The following POU2F1 variants were observed in gnomAD, a reference collection of about 807,000 sequenced individuals.
POU2F1 encodes POU class 2 homeobox 1.
In POU2F1, 16 loss-of-function variants were observed where a neutral mutation model predicts 84.9. The observed-to-expected ratio is 0.19, with a 90% CI of 0.13 to 0.29. The LOEUF (loss-of-function observed/expected upper bound fraction) is 0.29, where lower values mean the gene tolerates loss of function less well. Ranked by LOEUF, POU2F1 falls within the 10% of genes least tolerant of loss-of-function variation. The pLI is 1.00. For synonymous variants in POU2F1, 368 were observed against 368.3 expected (o/e 1.00, Z 0.01); for missense variants, 738 against 942.6 (o/e 0.78, Z 2.84).
At chr1:167,229,833 C>T (rs1038116983) in intron 1 of POU2F1, among the ~76,000 whole-genome samples, 1 of 152,168 alleles carries the variant, frequency 6.6e-6, no homozygotes, top group African/African-American at 2.4e-5. Context: ...ACTCCTAATA[C>T]TCTTCTGAAA....
In POU2F1 at chr1:167,235,809, A is replaced by G. The variant is rs550907102; in HGVS notation, c.61+14851A>G. Among the ~76,000 whole-genome samples, 9 of 152,302 alleles carry G rather than the reference A, an allele frequency of 5.9e-5. 1 individual carries two copies. The East Asian group carries it at 1.7e-3, about 29-fold the overall frequency. On this transcript the variant is annotated intron_variant, in intron 1 of 15. Transcript: ENST00000367866. The stretch of plus-strand genomic sequence containing the variant: ...GGATGGAGCCAGAAGCCATAATCCT[A>G]AGTGAATTAATGCAGGAACAGAAAA...
At chr1:167,294,283 A>G (rs1317333366) in intron 1 of POU2F1, among the ~76,000 whole-genome samples, 1 of 151,788 alleles carries the variant, frequency 6.6e-6, no homozygotes. Context: ...CGGGAGGCGG[A>G]TCTTGCAGTG....
chr1:167,404,006 C>CT (rs1324403358), intron 13 of POU2F1, among the ~76,000 whole-genome samples: 1 of 151,950 alleles, frequency 6.6e-6, no homozygotes. Context: ...ATTTCAATCT[C>CT]TTTTTCCTTG....
intron 13 of POU2F1, among the ~76,000 whole-genome samples, chr1:167,403,900 C>T (rs1174261119): frequency 2.6e-5 from 4 of 152,024 alleles, no homozygotes; most frequent in African/African-American, 9.7e-5. Context: ...TTTATTTTGC[C>T]TTCACAGTAT....
At chr1:167,399,603 T>C (rs1403562460) in intron 12 of POU2F1, among the ~76,000 whole-genome samples, 1 of 152,196 alleles carries the variant, frequency 6.6e-6, no homozygotes, top group African/African-American at 2.4e-5. Context: ...TGCCCCTGCA[T>C]GGAGGGTGAA....
At position 167,419,897 on chromosome 1, in the gene POU2F1, G is replaced by T. The variant is rs1028160773; in HGVS notation, c.*4087G>T. 42 of 152,070 alleles carry T rather than the reference G, an allele frequency of 2.8e-4. No homozygotes were observed. The highest frequency in any genetic ancestry group is 1.0e-3 in the African/African-American group (42 of 41,398). 9.4% of individuals were successfully genotyped at this position (152,070 alleles called of 1,614,324 possible). Reference sequence around the variant, plus strand: ...TTAAAAAAGGGAAGATAAGATTAAAGATTCTTAGTGAGATCATCTTGCCAA... The same window carrying T: ...TTAAAAAAGGGAAGATAAGATTAAATATTCTTAGTGAGATCATCTTGCCAA... On this transcript the variant is annotated 3_prime_UTR_variant, in exon 16 of 16. Transcript: ENST00000367866.
Position 167,416,087 on chromosome 1 carries a change from T to TAAAAAACAAAAAA in POU2F1, c.*283_*284insCAAAAAAAAAAAA. ...ATTGGAGAACTTTCTAACCAAAAAT[T>TAAAAAACAAAAAA]AAAAAAAAAAAAAAAAAAAGAAACA... On this transcript the variant is annotated 3_prime_UTR_variant, in exon 16 of 16. Coordinates refer to ENST00000367866, the MANE Select transcript of POU2F1 (RefSeq NM_002697.4). 2.8e-6 allele frequency: 1 copy of TAAAAAACAAAAAA among 351,044 alleles called. No homozygotes were observed. The allele number at this position is 351,044 out of a possible 1,614,324, so 21.7% of individuals were successfully genotyped here.
chr1:167,382,131 G>A (rs898683486), intron 7 of POU2F1, among the ~76,000 whole-genome samples: 1 of 152,112 alleles, frequency 6.6e-6, no homozygotes, highest in Non-Finnish European at 1.5e-5. Flanking sequence ...TGAACAAGAT[G>A]CAGGCCCTGC....
chr1:167,338,352 T>A, intron 2 of POU2F1: 1 of 396,126 alleles, frequency 2.5e-6, no homozygotes, highest in Non-Finnish European at 5.0e-6. Flanking sequence ...TTTAGTCAAC[T>A]GTTTATGTTA....
intron 13 of POU2F1, among the ~76,000 whole-genome samples, chr1:167,405,363 T>A (rs1649494725): frequency 6.6e-6 from 1 of 151,878 alleles, no homozygotes; most frequent in South Asian, 2.1e-4. Context: ...GACATAGTAT[T>A]TATTTGAGCC....
At chr1:167,271,442 T>C (rs910618612) in intron 1 of POU2F1, among the ~76,000 whole-genome samples, 3 of 152,170 alleles carry the variant, frequency 2.0e-5, no homozygotes, top group African/African-American at 4.8e-5. Context: ...AATTCAATGA[T>C]GGTTGAAAGA....
intron 15 of POU2F1, among the ~76,000 whole-genome samples, chr1:167,413,787 T>C (rs1571472748): frequency 6.6e-6 from 1 of 152,230 alleles, no homozygotes; most frequent in Middle Eastern, 3.4e-3. Flanking sequence ...TGTCTAAAAA[T>C]GTTTACTGTT....
At chr1:167,233,340 G>T (rs1056418339) in intron 1 of POU2F1, among the ~76,000 whole-genome samples, 1 of 147,360 alleles carries the variant, frequency 6.8e-6, no homozygotes, top group Non-Finnish European at 1.5e-5. Context: ...GCTTCGCCTT[G>T]TTGCCCCGGC....
intron 1 of POU2F1, among the ~76,000 whole-genome samples, chr1:167,224,035 T>A (rs571120746): frequency 6.6e-6 from 1 of 152,368 alleles, no homozygotes; most frequent in South Asian, 2.1e-4. Flanking sequence ...AGGCCGTAGA[T>A]ATTTTATACA....
intron 1 of POU2F1, among the ~76,000 whole-genome samples, chr1:167,299,954 G>A (rs967798690): frequency 7.2e-5 from 11 of 152,084 alleles, no homozygotes; most frequent in Admixed American, 3.3e-4. Context: ...ATACTGATCC[G>A]GGTACTGCCC....
rs1340710742 is a variant in POU2F1, at chr1:167,367,762, A to G, written c.228+2195A>G. ...ATACAAAATACATTTTGCTTTTACC[A>G]TATGTGTATATGTATGTATGTACAC... On this transcript the variant is annotated intron_variant, in intron 3 of 15. Coordinates refer to ENST00000367866, the MANE Select transcript of POU2F1 (RefSeq NM_002697.4). Among the ~76,000 whole-genome samples the G allele has an allele frequency of 1.3e-5, 2 of 151,968 alleles. 1 individual carries two copies. Among genetic ancestry groups the G allele is most frequent in the East Asian group, 3.9e-4 (2 of 5,192 alleles).
intron 2 of POU2F1, among the ~76,000 whole-genome samples, chr1:167,353,504 C>G (rs1457703856): frequency 6.6e-6 from 1 of 152,148 alleles, no homozygotes; most frequent in East Asian, 1.9e-4. Flanking sequence ...CAGACTCTTT[C>G]AGTCTTTTAA....
intron 1 of POU2F1, among the ~76,000 whole-genome samples, chr1:167,299,968 A>G (rs567928477): frequency 2.4e-4 from 36 of 152,296 alleles, no homozygotes; most frequent in African/African-American, 8.7e-4. Context: ...ACTGCCCTTT[A>G]AGAGTAGCTA....
At chr1:167,397,886 A>G in intron 10 of POU2F1, 108 bp from the exon 11 acceptor site, 2 of 1,190,166 alleles carry the variant, frequency 1.7e-6, no homozygotes, top group Non-Finnish European at 2.3e-6. Flanking sequence ...AAACCTTTTC[A>G]TACTTGGATG....
Sources: allele counts gnomAD v4.1 joint callset (sites outside exome capture counted in the v4.1 genomes callset), GRCh38; gene constraint gnomAD v4.1.1; transcripts MANE v1.5; gene names NCBI Gene and HGNC (gene_info 2026-07-23, HGNC 2026-07-21).